Variants in PTPA observed in about 807,000 individuals in gnomAD.
The protein encoded by PTPA is serine/threonine-protein phosphatase 2A activator.
A neutral mutation model predicts 43.6 loss-of-function variants in PTPA; 13 were observed. The ratio of observed to expected loss-of-function variants is 0.30; its 90% CI spans 0.19 to 0.47. The LOEUF (loss-of-function observed/expected upper bound fraction) is 0.47. PTPA is among the 20% of genes least tolerant of loss of function. PTPA has a pLI of 0.99. For missense variants in PTPA, 329 were observed against 411.9 expected (o/e 0.80, Z 1.74); for synonymous variants, 172 against 158.2 (o/e 1.09, Z -0.66).
At position 129,111,554 on chromosome 9, in the gene PTPA, G is replaced by GCT. The variant is rs936199816; in HGVS notation, c.-46_-45insTC. 6 of 1,291,550 alleles carry GCT rather than the reference G, an allele frequency of 4.6e-6. No homozygotes were observed. The African/African-American group carries it at 9.3e-5, about 20-fold the overall frequency. The allele number at this position is 1,291,550 out of a possible 1,614,324, so 80.0% of individuals were successfully genotyped here. On this transcript the variant is annotated 5_prime_UTR_variant, in exon 1 of 10. Coordinates refer to ENST00000393370, the MANE Select transcript of PTPA (RefSeq NM_178000.3). The stretch of plus-strand genomic sequence containing the variant: ...GGAAGGGTGGGTGCAAGAGTGAAAG[G>GCT]CGAGAGGGGACTGCAAGCATCCGGG...
At chr9:129,113,624 G>A (rs1228244695) in intron 1 of PTPA, among the ~76,000 whole-genome samples, 4 of 149,432 alleles carry the variant, frequency 2.7e-5, no homozygotes, top group Non-Finnish European at 5.9e-5. Flanking sequence ...ACAAAAATTA[G>A]CTGGGTGTGG....
intron 5 of PTPA, among the ~76,000 whole-genome samples, chr9:129,134,025 C>T (rs1181924882): frequency 1.3e-5 from 2 of 152,212 alleles, no homozygotes; most frequent in African/African-American, 2.4e-5. Flanking sequence ...TCTGTGATAT[C>T]CTCCAGTTAG....
At chr9:129,121,168 G>A (rs567020082) in intron 2 of PTPA, among the ~76,000 whole-genome samples, 3 of 152,326 alleles carry the variant, frequency 2.0e-5, no homozygotes, top group Non-Finnish European at 2.9e-5. Flanking sequence ...GACAGACTGA[G>A]CAAAAGAAAG....
At chr9:129,139,692 A>G (rs2131611249) in intron 8 of PTPA, 1 of 152,308 alleles carries the variant, frequency 6.6e-6, no homozygotes, top group Non-Finnish European at 1.5e-5. Flanking sequence ...GGAGGCTTGC[A>G]TGGAGTTCTG....
chr9:129,140,115 A>G (rs187868708), intron 8 of PTPA: 1 of 147,400 alleles, frequency 6.8e-6, no homozygotes. Context: ...CAAAAGGCCG[A>G]TTCTCTGGGG....
chr9:129,144,859 C>G (rs1851191027), intron 9 of PTPA, among the ~76,000 whole-genome samples: 2 of 151,872 alleles, frequency 1.3e-5, no homozygotes, highest in African/African-American at 4.8e-5. Flanking sequence ...ATGAGGAAAC[C>G]CCGTCTCTAC....
intron 2 of PTPA, among the ~76,000 whole-genome samples, chr9:129,122,007 A>G (rs1849277777): frequency 6.6e-6 from 1 of 152,206 alleles, no homozygotes; most frequent in African/African-American, 2.4e-5. Context: ...GATAAGGAGA[A>G]AGGAAGAAAG....
chr9:129,142,703 G>T (rs1484640810), intron 9 of PTPA, 151 bp downstream of exon 9: 1 of 1,542,250 alleles, frequency 6.5e-7, no homozygotes, highest in African/African-American at 1.4e-5. Context: ...GACACTTGGG[G>T]CCTCGGAATC....
intron 8 of PTPA, among the ~76,000 whole-genome samples, chr9:129,141,048 G>A (rs896576620): frequency 6.6e-6 from 1 of 152,122 alleles, no homozygotes; most frequent in Non-Finnish European, 1.5e-5. Context: ...AGAAGAGGAG[G>A]GGAGGGAGGA....
At chr9:129,142,350 G>GTA in intron 8 of PTPA, 95 bp from the exon 9 acceptor site, 1 of 1,113,406 alleles carries the variant, frequency 9.0e-7, no homozygotes, top group Non-Finnish European at 1.3e-6. Context: ...GTGTGTGTGT[G>GTA]TGTGTGCATG....
chr9:129,147,609 G>A lies in PTPA; in HGVS notation c.*145G>A. 1.1e-6 allele frequency: 1 copy of A among 880,004 alleles called. No homozygotes were observed. The allele number at this position is 880,004 out of a possible 1,614,324, so 54.5% of individuals were successfully genotyped here. Reference sequence around the variant, plus strand: ...TGGGGTGGGGTGGCGAGATGGGCTTGAGGGGGCTCAGAGCATAAGGCTTCA... The same window carrying A: ...TGGGGTGGGGTGGCGAGATGGGCTTAAGGGGGCTCAGAGCATAAGGCTTCA... On this transcript the variant is annotated 3_prime_UTR_variant, in exon 10 of 10. Coordinates refer to ENST00000393370, the MANE Select transcript of PTPA (RefSeq NM_178000.3).
intron 1 of PTPA, 77 bp downstream of exon 1, chr9:129,111,708 CGA>C (rs1588473722): frequency 2.4e-6 from 3 of 1,243,164 alleles, no homozygotes; most frequent in African/African-American, 1.6e-5. Context: ...CTCAGGAGGG[CGA>C]GAGTCATGAC....
chr9:129,128,964 C>G, intron 3 of PTPA, 21 bp from the exon 4 acceptor site: 1 of 1,612,646 alleles, frequency 6.2e-7, no homozygotes, highest in South Asian at 1.1e-5. Context: ...TAGCTTGGAC[C>G]CCTCTATTTT....
rs1848490712 is a variant in PTPA, at chr9:129,111,637, G to A, written c.31+6G>A. 11 of 1,278,244 alleles carry A rather than the reference G, an allele frequency of 8.6e-6. No individual in the cohort carries two copies. The highest frequency in any genetic ancestry group is 1.1e-5 in the Non-Finnish European group (11 of 1,004,556). 79.2% of individuals were successfully genotyped at this position (1,278,244 alleles called of 1,614,324 possible). ...CGAGCGGCAGCCGCCGCCAGGTAAG[G>A]CCGGCGGGGCCAGGCCGGGCCGGGG... On this transcript the variant is annotated splice_donor_region_variant and intron_variant, in intron 1 of 9. Transcript: ENST00000393370.
At chr9:129,144,360 A>C (rs1851135462) in intron 9 of PTPA, among the ~76,000 whole-genome samples, 1 of 151,964 alleles carries the variant, frequency 6.6e-6, no homozygotes, top group South Asian at 2.1e-4. Flanking sequence ...AAAAAGGGAG[A>C]TTCTAGCCCT....
chr9:129,142,361 C>CAAGA, intron 8 of PTPA, 84 bp from the exon 9 acceptor site: 1 of 1,240,442 alleles, frequency 8.1e-7, no homozygotes, highest in Non-Finnish European at 1.1e-6. Context: ...TGTGTGCATG[C>CAAGA]ATGGGTGTGA....
At chr9:129,123,356 C>A (rs1849381465) in intron 3 of PTPA, among the ~76,000 whole-genome samples, 1 of 151,980 alleles carries the variant, frequency 6.6e-6, no homozygotes. Context: ...CCTGTAGTCC[C>A]AGCTACTCAG....
At chr9:129,126,449 G>C (rs1218236515) in intron 3 of PTPA, among the ~76,000 whole-genome samples, 1 of 151,990 alleles carries the variant, frequency 6.6e-6, no homozygotes, top group African/African-American at 2.4e-5. Context: ...GTAAGTGCTG[G>C]GATTACAGAC....
chr9:129,114,314 C>T (rs952432241), intron 1 of PTPA, among the ~76,000 whole-genome samples: 1 of 152,210 alleles, frequency 6.6e-6, no homozygotes, highest in Non-Finnish European at 1.5e-5. Context: ...TGAGCCACCG[C>T]GCCCGGCGAG....
Sources: gnomAD v4.1 joint callset for allele counts (sites outside exome capture counted in the v4.1 genomes callset) on GRCh38, gnomAD v4.1.1 for gene constraint, MANE v1.5 for transcripts, NCBI Gene and HGNC (gene_info 2026-07-23, HGNC 2026-07-21) for gene names.